Variants in UBE2H observed in about 807,000 individuals in gnomAD.
UBE2H encodes the protein ubiquitin conjugating enzyme E2 H.
UBE2H carries 3 observed loss-of-function variants against 29.0 expected under a neutral mutation model. The ratio of observed to expected loss-of-function variants is 0.10; its 90% CI spans 0.05 to 0.27. The LOEUF is 0.27. Ranked by LOEUF, UBE2H falls within the 10% of genes least tolerant of loss-of-function variation. The pLI, the probability that UBE2H is intolerant of heterozygous loss-of-function variation, is 1.00. For synonymous variants in UBE2H, 69 were observed against 82.9 expected, an observed-to-expected ratio of 0.83 and a Z score of 0.91; for missense variants, 68 against 228.2, an observed-to-expected ratio of 0.30 and a Z score of 4.52.
chr7:129,920,178 A>G (rs1275423003), intron 1 of UBE2H, among the ~76,000 whole-genome samples: 1 of 152,198 alleles, frequency 6.6e-6, no homozygotes, highest in Non-Finnish European at 1.5e-5. Context: ...TTCAGGGTAA[A>G]TATTTTATAA....
intron 1 of UBE2H, among the ~76,000 whole-genome samples, chr7:129,943,453 T>C (rs1003064054): frequency 2.6e-5 from 4 of 152,228 alleles, no homozygotes; most frequent in Non-Finnish European, 4.4e-5. Flanking sequence ...GAAGAGTAGC[T>C]ACCAAATCAG....
intron 1 of UBE2H, among the ~76,000 whole-genome samples, chr7:129,897,716 A>T (rs929153282): frequency 6.6e-6 from 1 of 152,148 alleles, no homozygotes; most frequent in Non-Finnish European, 1.5e-5. Flanking sequence ...CCCAGTTTCC[A>T]TTGTCCCTTT....
intron 1 of UBE2H, among the ~76,000 whole-genome samples, chr7:129,885,530 T>TA (rs1185230518): frequency 1.3e-5 from 2 of 152,230 alleles, no homozygotes; most frequent in East Asian, 1.9e-4. Flanking sequence ...AGTCCATACT[T>TA]ACGTGTATTT....
At chr7:129,851,575 T>C (rs1805610495) in intron 5 of UBE2H, among the ~76,000 whole-genome samples, 1 of 152,156 alleles carries the variant, frequency 6.6e-6, no homozygotes, top group African/African-American at 2.4e-5. Context: ...ATAAAACAAA[T>C]CAAGGTTACA....
chr7:129,938,003 C>T (rs973423154), intron 1 of UBE2H, among the ~76,000 whole-genome samples: 3 of 152,004 alleles, frequency 2.0e-5, no homozygotes, highest in African/African-American at 7.2e-5. Flanking sequence ...TTAAGAGCAA[C>T]GTTAATATCT....
At chr7:129,952,014 T>C (rs1326730571) in intron 1 of UBE2H, among the ~76,000 whole-genome samples, 1 of 152,012 alleles carries the variant, frequency 6.6e-6, no homozygotes, top group Non-Finnish European at 1.5e-5. Context: ...GAATTAGGGA[T>C]AAAAGAGGTC....
At chr7:129,854,060 G>GGTTTTTTTTTTTTTTTTTTTTTTTT (rs1554430936) in intron 5 of UBE2H, among the ~76,000 whole-genome samples, 8 of 100,308 alleles carry the variant, frequency 8.0e-5, no homozygotes, top group East Asian at 5.4e-4. Context: ...TTTAGTGTTA[G>GGTTTTTTTTTTTTTTTTTTTTTTTT]TTTTTTTTTT....
intron 1 of UBE2H, among the ~76,000 whole-genome samples, chr7:129,944,085 T>G (rs1178191350): frequency 1.3e-5 from 2 of 152,084 alleles, no homozygotes. Flanking sequence ...GGCCAGGCGC[T>G]GTGGCTCATG....
chr7:129,849,984 C>CAAAAT, intron 5 of UBE2H, among the ~76,000 whole-genome samples: 1 of 151,982 alleles, frequency 6.6e-6, no homozygotes, highest in Non-Finnish European at 1.5e-5. Context: ...CAAAACAAAA[C>CAAAAT]AAAATAAAAA....
At position 129,938,391 on chromosome 7, in the gene UBE2H, C is replaced by CAGAG. The variant is rs1255301447; in HGVS notation, c.53+14108_53+14111dup. Among the ~76,000 whole-genome samples, 9 of 107,614 alleles carry CAGAG rather than the reference C, an allele frequency of 8.4e-5. No individual in the cohort carries two copies. The East Asian group carries it at 2.8e-3, about 33-fold the overall frequency. 70.6% of individuals were successfully genotyped at this position (107,614 alleles called of 152,430 possible). On this transcript the variant is annotated intron_variant, in intron 1 of 6. Transcript: ENST00000355621. ...CACCACTGCACTCCAGCGTGGGCAA[C>CAGAG]AGAGAGAGAGACTGCCTCATTCAAA...
chr7:129,850,413 G>A (rs1368870035), intron 5 of UBE2H, among the ~76,000 whole-genome samples: 1 of 152,102 alleles, frequency 6.6e-6, no homozygotes, highest in African/African-American at 2.4e-5. Context: ...AAGAATGTTT[G>A]CAACATACAT....
chr7:129,930,540 G>T (rs1807367820), intron 1 of UBE2H, among the ~76,000 whole-genome samples: 1 of 152,088 alleles, frequency 6.6e-6, no homozygotes. Context: ...GGAGGCCAAG[G>T]CGGGTGGATC....
At chr7:129,920,848 C>CAAA (rs11347186) in intron 1 of UBE2H, among the ~76,000 whole-genome samples, 5 of 73,964 alleles carry the variant, frequency 6.8e-5, no homozygotes, top group African/African-American at 1.5e-4. Context: ...TAGAAAAAGT[C>CAAA]AAAAAAAAAA....
chr7:129,851,251 A>G (rs1324772035), intron 5 of UBE2H, among the ~76,000 whole-genome samples: 4 of 152,184 alleles, frequency 2.6e-5, no homozygotes, highest in Non-Finnish European at 5.9e-5. Flanking sequence ...ATTCTCGTCT[A>G]TTTGGGTGTT....
In UBE2H at chr7:129,952,613, G is replaced by A. The variant is rs1025322468; in HGVS notation, c.-58C>T. 90 of 1,580,554 alleles carry A rather than the reference G, an allele frequency of 5.7e-5. No homozygotes were observed. Among genetic ancestry groups the A allele is most frequent in the Admixed American group, 2.4e-4 (14 of 57,932 alleles). On this transcript the variant is annotated 5_prime_UTR_variant, in exon 1 of 7. Coordinates refer to ENST00000355621, the MANE Select transcript of UBE2H (RefSeq NM_003344.4). ...CCGTCTGTCACGGGCCCGGGGCCCC[G>A]GCTCTGAGGAGCCCGCGGCCGCGCC...
chr7:129,873,623 A>G (rs1279669832), intron 3 of UBE2H, among the ~76,000 whole-genome samples: 1 of 150,656 alleles, frequency 6.6e-6, no homozygotes, highest in East Asian at 2.0e-4. Context: ...TTTTTTTTAG[A>G]GATGGGGTTT....
At chr7:129,851,215 C>T (rs1234459747) in intron 5 of UBE2H, among the ~76,000 whole-genome samples, 7 of 152,334 alleles carry the variant, frequency 4.6e-5, no homozygotes, top group South Asian at 2.1e-4. Flanking sequence ...AAACACTGCT[C>T]TTGTTGCATT....
At chr7:129,900,838 C>T (rs1806698373) in intron 1 of UBE2H, among the ~76,000 whole-genome samples, 1 of 151,456 alleles carries the variant, frequency 6.6e-6, no homozygotes, top group African/African-American at 2.4e-5. Flanking sequence ...GCAAGCTCCA[C>T]CTCCCAGGTT....
intron 1 of UBE2H, among the ~76,000 whole-genome samples, chr7:129,881,843 T>G (rs1806261027): frequency 6.6e-6 from 1 of 152,118 alleles, no homozygotes; most frequent in East Asian, 1.9e-4. Context: ...AACGAGGGAT[T>G]TACTAAGGAG....
Sources: gnomAD v4.1 joint callset for allele counts (sites outside exome capture counted in the v4.1 genomes callset) on GRCh38, gnomAD v4.1.1 for gene constraint, MANE v1.5 for transcripts, NCBI Gene and HGNC (gene_info 2026-07-23, HGNC 2026-07-21) for gene names.